The following ROBO2 variants were observed in gnomAD, a reference collection of about 807,000 sequenced individuals.
ROBO2 encodes the protein roundabout guidance receptor 2, also known as roundabout homolog 2.
ROBO2 carries 53 observed loss-of-function variants against 160.8 expected under a neutral mutation model. That is an observed-to-expected ratio of 0.33 (90% CI 0.26 to 0.41). ROBO2 has a LOEUF of 0.41. ROBO2 is among the 10% of genes least tolerant of loss of function. The probability of loss-of-function intolerance (pLI) is 1.00; values close to 1 mark genes in which losing one functional copy is unlikely to be tolerated. For missense variants in ROBO2, 1,577 were observed against 1,722.4 expected, an observed-to-expected ratio of 0.92 and a Z score of 1.49; for synonymous variants, 664 against 611.7, an observed-to-expected ratio of 1.09 and a Z score of -1.26.
chr3:77,398,591 T>A (rs2075506620), intron 2 of ROBO2, among the ~76,000 whole-genome samples: 1 of 152,092 alleles, frequency 6.6e-6, no homozygotes, highest in Non-Finnish European at 1.5e-5. Context: ...TATTTTAATT[T>A]ATTTTTTTTA....
intron 1 of ROBO2, among the ~76,000 whole-genome samples, chr3:77,067,921 A>C (rs1055190594): frequency 6.6e-6 from 1 of 152,160 alleles, no homozygotes; most frequent in African/African-American, 2.4e-5. Context: ...GTACTTTAAA[A>C]TCATAATTAT....
At chr3:76,692,159 T>G (rs1400917120) in intron 2 of ROBO2, among the ~76,000 whole-genome samples, 1 of 152,024 alleles carries the variant, frequency 6.6e-6, no homozygotes, top group Non-Finnish European at 1.5e-5. Flanking sequence ...TTGGGGGAAT[T>G]AGCTGACCAC....
At chr3:77,304,661 G>A (rs1404471326) in intron 2 of ROBO2, among the ~76,000 whole-genome samples, 1 of 152,144 alleles carries the variant, frequency 6.6e-6, no homozygotes, top group Non-Finnish European at 1.5e-5. Context: ...ATCTCACGAA[G>A]GCCAATATTG....
At chr3:76,808,732 G>A (rs1409675727) in intron 2 of ROBO2, among the ~76,000 whole-genome samples, 2 of 152,086 alleles carry the variant, frequency 1.3e-5, no homozygotes, top group Non-Finnish European at 2.9e-5. Flanking sequence ...GTAAATCAAT[G>A]ACTGTGATGA....
intron 2 of ROBO2, among the ~76,000 whole-genome samples, chr3:76,047,592 C>T (rs1393691617): frequency 5.9e-5 from 9 of 152,128 alleles, no homozygotes; most frequent in Admixed American, 1.3e-4. Flanking sequence ...GGGATTTCTG[C>T]GTGATGACAA....
At chr3:76,887,416 A>G (rs940850018) in intron 2 of ROBO2, among the ~76,000 whole-genome samples, 11 of 152,028 alleles carry the variant, frequency 7.2e-5, no homozygotes, top group Admixed American at 7.2e-4. Flanking sequence ...AAGCAAAAAC[A>G]GAGGGAAAGA....
chr3:77,386,150 G>C (rs2074076446), intron 2 of ROBO2, among the ~76,000 whole-genome samples: 1 of 152,012 alleles, frequency 6.6e-6, no homozygotes, highest in Admixed American at 6.6e-5. Context: ...TTATCTTTAT[G>C]GGAACCATCA....
At chr3:76,665,618 G>A (rs2091987453) in intron 2 of ROBO2, among the ~76,000 whole-genome samples, 2 of 151,484 alleles carry the variant, frequency 1.3e-5, no homozygotes, top group South Asian at 4.2e-4. Context: ...AAGGTTTGAT[G>A]TTAGGAATTC....
At chr3:76,713,151 A>G (rs943873644) in intron 2 of ROBO2, among the ~76,000 whole-genome samples, 2 of 152,232 alleles carry the variant, frequency 1.3e-5, no homozygotes, top group African/African-American at 4.8e-5. Flanking sequence ...TGTTCCAGCT[A>G]ACAAGTTTTG....
chr3:76,153,404 A>G (rs958852412), intron 2 of ROBO2, among the ~76,000 whole-genome samples: 1 of 152,158 alleles, frequency 6.6e-6, no homozygotes, highest in African/African-American at 2.4e-5. Flanking sequence ...AAGTGAATGG[A>G]TGCACAAACA....
chr3:76,705,620 A>T (rs1274802165), intron 2 of ROBO2, among the ~76,000 whole-genome samples: 2 of 152,152 alleles, frequency 1.3e-5, no homozygotes, highest in Non-Finnish European at 2.9e-5. Flanking sequence ...CAAAATATTT[A>T]GGGCTGATAA....
At chr3:76,251,272 A>G (rs1055369092) in intron 2 of ROBO2, among the ~76,000 whole-genome samples, 5 of 152,092 alleles carry the variant, frequency 3.3e-5, no homozygotes, top group Non-Finnish European at 7.4e-5. Flanking sequence ...AAGAAAAAAA[A>G]AATCCACCTT....
chr3:76,637,573 G>A (rs983813235), intron 2 of ROBO2, among the ~76,000 whole-genome samples: 2 of 152,052 alleles, frequency 1.3e-5, no homozygotes, highest in African/African-American at 2.4e-5. Flanking sequence ...CACTATTTCA[G>A]TATAGTTTTT....
At chr3:76,825,484 A>T (rs763753925) in intron 2 of ROBO2, among the ~76,000 whole-genome samples, 14 of 151,922 alleles carry the variant, frequency 9.2e-5, no homozygotes, top group Non-Finnish European at 1.5e-4. Context: ...TGTTTTCCCC[A>T]GTGTTTTAAT....
rs373047359 is a variant in ROBO2, at chr3:76,240,764, A to G, written c.109+303162A>G. Among the ~76,000 whole-genome samples, 11 of 152,262 alleles carry G rather than the reference A, an allele frequency of 7.2e-5. No homozygotes were observed. In the East Asian group the frequency reaches 1.9e-3, roughly 27 times the overall value. On this transcript the variant is annotated intron_variant, in intron 2 of 26. Transcript: ENST00000487694. ...AGATACTTATCATTATCCAATTGGT[A>G]GAATTTCAGTTGTGGAATGATCAGA...
At chr3:76,196,873 C>T (rs530363383) in intron 2 of ROBO2, among the ~76,000 whole-genome samples, 1 of 152,252 alleles carries the variant, frequency 6.6e-6, no homozygotes, top group African/African-American at 2.4e-5. Context: ...TAAATGCTCA[C>T]TAGGTATTAA....
intron 2 of ROBO2, among the ~76,000 whole-genome samples, chr3:76,323,995 T>C (rs772286582): frequency 3.3e-5 from 5 of 152,160 alleles, no homozygotes; most frequent in Non-Finnish European, 7.4e-5. Flanking sequence ...TACATAAACA[T>C]TGAGAAATGG....
chr3:76,468,465 TCTCA>T (rs1364723096), intron 2 of ROBO2, among the ~76,000 whole-genome samples: 3 of 152,198 alleles, frequency 2.0e-5, no homozygotes, highest in East Asian at 3.9e-4. Context: ...ACAAGATTTT[TCTCA>T]CTCAACTTCT....
At chr3:76,078,259 T>C (rs1171945789) in intron 2 of ROBO2, among the ~76,000 whole-genome samples, 2 of 152,222 alleles carry the variant, frequency 1.3e-5, no homozygotes, top group South Asian at 2.1e-4. Context: ...ATAACATTTT[T>C]TCATAGAAAC....
Sources: gnomAD v4.1 joint callset for allele counts (sites outside exome capture counted in the v4.1 genomes callset) on GRCh38, gnomAD v4.1.1 for gene constraint, MANE v1.5 for transcripts, NCBI Gene and HGNC (gene_info 2026-07-23, HGNC 2026-07-21) for gene names.